Variants in FOXP1 observed in about 807,000 individuals in gnomAD.
FOXP1 encodes the protein forkhead box protein P1.
FOXP1 carries 15 observed loss-of-function variants against 98.2 expected under a neutral mutation model. The ratio of observed to expected loss-of-function variants is 0.15; its 90% CI spans 0.10 to 0.24. The LOEUF (loss-of-function observed/expected upper bound fraction) is 0.24, where lower values mean the gene tolerates loss of function less well. Among genes scored for constraint, FOXP1 ranks in the 10% least tolerant of loss-of-function variants. The pLI, the probability that FOXP1 is intolerant of heterozygous loss-of-function variation, is 1.00. For synonymous variants in FOXP1, 371 were observed against 314.5 expected (o/e 1.18, Z -1.90); for missense variants, 633 against 848.5 (o/e 0.75, Z 3.15).
chr3:71,560,957 G>A (rs1342011288), intron 2 of FOXP1, among the ~76,000 whole-genome samples: 1 of 152,152 alleles, frequency 6.6e-6, no homozygotes, highest in African/African-American at 2.4e-5. Flanking sequence ...ATCAGCTAAA[G>A]GGTTTCTTCT....
chr3:71,082,285 A>T (rs937717795), intron 7 of FOXP1, among the ~76,000 whole-genome samples: 1 of 149,478 alleles, frequency 6.7e-6, no homozygotes, highest in African/African-American at 2.5e-5. Context: ...TTTAAAAAAA[A>T]GAAAAAAAAA....
chr3:71,232,877 C>CAAAACAAAAAAAAAAAA (rs528237968), intron 5 of FOXP1, among the ~76,000 whole-genome samples: 1 of 31,418 alleles, frequency 3.2e-5, no homozygotes, highest in Non-Finnish European at 5.9e-5. Context: ...AACTCTGTCT[C>CAAAACAAAAAAAAAAAA]AAAAAAAAAA....
intron 6 of FOXP1, among the ~76,000 whole-genome samples, chr3:71,141,741 C>T (rs1014862809): frequency 6.6e-6 from 1 of 151,820 alleles, no homozygotes; most frequent in East Asian, 1.9e-4. Context: ...TCAACAAATC[C>T]AGAAATAATT....
At chr3:71,065,314 A>T (rs1356325739) in intron 7 of FOXP1, among the ~76,000 whole-genome samples, 3 of 151,998 alleles carry the variant, frequency 2.0e-5, no homozygotes, top group Non-Finnish European at 4.4e-5. Flanking sequence ...ACTGACAAAG[A>T]GTTGTCCTAA....
intron 3 of FOXP1, among the ~76,000 whole-genome samples, chr3:71,396,984 G>GTATATATA (rs1463843393): frequency 4.8e-5 from 1 of 20,848 alleles, no homozygotes; most frequent in African/African-American, 2.0e-4. Flanking sequence ...ATATATATGT[G>GTATATATA]TATATATATA....
At chr3:71,446,434 C>T (rs1171497123) in intron 3 of FOXP1, among the ~76,000 whole-genome samples, 2 of 151,934 alleles carry the variant, frequency 1.3e-5, no homozygotes, top group African/African-American at 4.8e-5. Flanking sequence ...CAAGACATGC[C>T]CCCTGGAGCC....
chr3:71,383,756 A>G (rs937505964), intron 3 of FOXP1, among the ~76,000 whole-genome samples: 1 of 152,148 alleles, frequency 6.6e-6, no homozygotes, highest in Non-Finnish European at 1.5e-5. Context: ...TTTGGAAGGA[A>G]ATGGTGAGAC....
At position 71,193,302 on chromosome 3, in the gene FOXP1, C is replaced by T. The variant is rs2063108834; in HGVS notation, c.180+4900G>A. On this transcript the variant is annotated intron_variant, in intron 6 of 20. Coordinates refer to ENST00000649528, the MANE Select transcript of FOXP1 (RefSeq NM_001349338.3). Reference sequence around the variant, plus strand: ...AGCTGGGACTGCAGGCGCCCACCACCACACCCGGCTAATTTTTTGTATTTT... The same window carrying T: ...AGCTGGGACTGCAGGCGCCCACCACTACACCCGGCTAATTTTTTGTATTTT... Among the ~76,000 whole-genome samples the T allele has an allele frequency of 7.1e-5, 9 of 125,986 alleles. 1 individual carries two copies. The South Asian group carries it at 2.2e-3, about 31-fold the overall frequency. 82.7% of individuals were successfully genotyped at this position (125,986 alleles called of 152,430 possible).
intron 2 of FOXP1, among the ~76,000 whole-genome samples, chr3:71,555,447 G>A (rs1169852741): frequency 6.6e-6 from 1 of 152,216 alleles, no homozygotes; most frequent in Non-Finnish European, 1.5e-5. Flanking sequence ...AATAGGAACT[G>A]CACATAGTCT....
rs368406080 is a variant in FOXP1, at chr3:71,377,563, C to T, written c.-167-18319G>A. On this transcript the variant is annotated intron_variant, in intron 3 of 20. Coordinates refer to ENST00000649528, the MANE Select transcript of FOXP1 (RefSeq NM_001349338.3). ...AAATACTAAATAACCCCCCCAAGGTCACCGAGTTCCTAAGTAGCTAAACCA... is the reference window on the plus strand; with the variant it reads ...AAATACTAAATAACCCCCCCAAGGTTACCGAGTTCCTAAGTAGCTAAACCA... Among the ~76,000 whole-genome samples the T allele has an allele frequency of 9.2e-5, 14 of 152,278 alleles. No homozygotes were observed. The East Asian group carries it at 2.1e-3, about 23-fold the overall frequency.
At chr3:71,322,139 G>A (rs2075425548) in intron 4 of FOXP1, among the ~76,000 whole-genome samples, 1 of 152,156 alleles carries the variant, frequency 6.6e-6, no homozygotes, top group Admixed American at 6.5e-5. Context: ...TCATTCCGTT[G>A]TTTAGCAGAC....
At chr3:71,443,580 G>A (rs2086144960) in intron 3 of FOXP1, among the ~76,000 whole-genome samples, 1 of 151,992 alleles carries the variant, frequency 6.6e-6, no homozygotes, top group Non-Finnish European at 1.5e-5. Flanking sequence ...TCGCCTATAG[G>A]GCTGGTTAAA....
intron 10 of FOXP1, among the ~76,000 whole-genome samples, chr3:71,041,799 T>A (rs2106879061): frequency 6.6e-6 from 1 of 152,278 alleles, no homozygotes; most frequent in South Asian, 2.1e-4. Context: ...CACAACAGTA[T>A]GCCTCTAACC....
intron 5 of FOXP1, chr3:71,288,184 CCTTT>C (rs2072374380): frequency 6.6e-6 from 1 of 152,182 alleles, no homozygotes; most frequent in Admixed American, 6.6e-5. Flanking sequence ...AAGGCCGCTT[CCTTT>C]ATTTTTTGTT....
At chr3:71,476,840 T>C (rs930259026) in intron 3 of FOXP1, among the ~76,000 whole-genome samples, 16 of 152,050 alleles carry the variant, frequency 1.1e-4, no homozygotes, top group African/African-American at 3.9e-4. Context: ...TGTTCTTAAA[T>C]TATGTTTCCT....
At chr3:71,520,603 C>T (rs2042907117) in intron 2 of FOXP1, among the ~76,000 whole-genome samples, 1 of 152,182 alleles carries the variant, frequency 6.6e-6, no homozygotes, top group African/African-American at 2.4e-5. Context: ...AAAATGTCAG[C>T]GTGAGACTGC....
At chr3:71,492,209 T>C (rs2091107768) in intron 3 of FOXP1, among the ~76,000 whole-genome samples, 1 of 152,168 alleles carries the variant, frequency 6.6e-6, no homozygotes, top group African/African-American at 2.4e-5. Context: ...CCCAGCACTT[T>C]AGGAGGCTGA....
intron 3 of FOXP1, among the ~76,000 whole-genome samples, chr3:71,383,135 T>C (rs573869854): frequency 6.6e-6 from 1 of 152,364 alleles, no homozygotes; most frequent in African/African-American, 2.4e-5. Flanking sequence ...ATACCCATGC[T>C]GGCTGACATT....
At chr3:71,433,979 T>G (rs2084972319) in intron 3 of FOXP1, among the ~76,000 whole-genome samples, 2 of 152,242 alleles carry the variant, frequency 1.3e-5, no homozygotes, top group Non-Finnish European at 2.9e-5. Context: ...TATCTTCATA[T>G]GCCTCAAGTT....
Sources: allele counts gnomAD v4.1 joint callset (sites outside exome capture counted in the v4.1 genomes callset), GRCh38; gene constraint gnomAD v4.1.1; transcripts MANE v1.5; gene names NCBI Gene and HGNC (gene_info 2026-07-23, HGNC 2026-07-21).